Variants in PRKCH observed in about 807,000 individuals in gnomAD.
PRKCH encodes protein kinase C eta, also known as protein kinase C eta type.
Under a neutral mutation model 82.5 loss-of-function variants are expected in PRKCH, and 28 were observed. The observed-to-expected ratio is 0.34, with a 90% CI of 0.25 to 0.47. The LOEUF is 0.47. Among genes scored for constraint, PRKCH ranks in the 20% least tolerant of loss-of-function variants. PRKCH has a pLI of 1.00. For missense variants in PRKCH, 705 were observed against 881.8 expected (o/e 0.80, Z 2.54); for synonymous variants, 322 against 327.4 (o/e 0.98, Z 0.18).
chr14:61,268,632 C>G (rs1370081359), intron 1 of PRKCH, among the ~76,000 whole-genome samples: 5 of 152,142 alleles, frequency 3.3e-5, no homozygotes, highest in African/African-American at 1.2e-4. Context: ...CGTACCATTG[C>G]ACTCCAACCT....
chr14:61,322,636 G>A (rs2045643420), intron 1 of PRKCH, 172 bp downstream of exon 1: 1 of 868,050 alleles, frequency 1.2e-6, no homozygotes, highest in South Asian at 1.8e-5. Flanking sequence ...CGCGGTGGGT[G>A]TGTGCAGGCG....
At chr14:61,274,696 G>T (rs894055273) in intron 1 of PRKCH, among the ~76,000 whole-genome samples, 1 of 152,140 alleles carries the variant, frequency 6.6e-6, no homozygotes, top group African/African-American at 2.4e-5. Context: ...TGCTATTCTT[G>T]GAAGGATGGG....
chr14:61,372,969 G>T (rs185960441), intron 1 of PRKCH, among the ~76,000 whole-genome samples: 73 of 151,972 alleles, frequency 4.8e-4, no homozygotes, highest in Non-Finnish European at 6.6e-4. Flanking sequence ...AGAGAGTCCT[G>T]CCAGTTGCAT....
intron 9 of PRKCH, among the ~76,000 whole-genome samples, chr14:61,465,511 T>A (rs1885215993): frequency 6.6e-6 from 1 of 152,230 alleles, no homozygotes; most frequent in Non-Finnish European, 1.5e-5. Flanking sequence ...CCTTGGGATC[T>A]TTGTTGATAA....
At chr14:61,393,812 T>C (rs4390494) in intron 2 of PRKCH, among the ~76,000 whole-genome samples, 143,635 of 152,318 alleles carry the variant, frequency 0.94, 68,303 homozygotes, top group East Asian at 1. Context: ...ATTTACCCAA[T>C]CCTGCACAAC....
intron 2 of PRKCH, among the ~76,000 whole-genome samples, chr14:61,422,145 G>A (rs779658879): frequency 2.6e-5 from 4 of 152,072 alleles, no homozygotes; most frequent in Non-Finnish European, 5.9e-5. Flanking sequence ...GTACAGTGGC[G>A]CAACAATGGA....
intron 12 of PRKCH, among the ~76,000 whole-genome samples, chr14:61,545,578 G>GT (rs1271396762): frequency 6.6e-5 from 10 of 151,948 alleles, no homozygotes; most frequent in Admixed American, 1.3e-4. Flanking sequence ...CTTTTGGTTT[G>GT]TTTTTTTTGT....
At chr14:61,252,250 C>T (rs974708241) in intron 1 of PRKCH, among the ~76,000 whole-genome samples, 49 of 152,164 alleles carry the variant, frequency 3.2e-4, no homozygotes, top group Non-Finnish European at 6.6e-4. Flanking sequence ...AGAACTTGGC[C>T]GTGGGGCAGC....
chr14:61,514,593 A>T (rs890120210), intron 10 of PRKCH, among the ~76,000 whole-genome samples: 1 of 152,038 alleles, frequency 6.6e-6, no homozygotes, highest in Non-Finnish European at 1.5e-5. Context: ...CACAAACCAG[A>T]ATCCACCCAG....
At chr14:61,193,894 C>T (rs1009528873) in intron 1 of PRKCH, among the ~76,000 whole-genome samples, 2 of 152,216 alleles carry the variant, frequency 1.3e-5, no homozygotes, top group African/African-American at 4.8e-5. Context: ...TGCACACCTG[C>T]TCTAGGATAA....
intron 10 of PRKCH, among the ~76,000 whole-genome samples, chr14:61,491,140 T>C (rs763777386): frequency 1.3e-5 from 2 of 152,208 alleles, no homozygotes; most frequent in Non-Finnish European, 2.9e-5. Flanking sequence ...GCCTGGAGTT[T>C]TGGGCTCTTA....
At chr14:61,211,282 A>C (rs1196759221) in intron 1 of PRKCH, among the ~76,000 whole-genome samples, 1 of 152,342 alleles carries the variant, frequency 6.6e-6, no homozygotes, top group East Asian at 1.9e-4. Context: ...CAGCGTGCAC[A>C]GTGCCGCAGT....
rs773215943 is a variant in PRKCH, at chr14:61,280,250, T to G, written c.-19+92582T>G. ...GAGATGCTGCTGAAGATGAGGAGCT[T>G]GTGGCCGCCGAACGCGCGCACCGGG... On this transcript the variant is annotated intron_variant, in intron 1 of 3. Transcript: ENST00000555185. This position sits in a 1 kb window ranked among gnomAD's most constrained non-coding sequence, Gnocchi z 5.0. 6.2e-7 allele frequency: 1 copy of G among 1,614,082 alleles called. No homozygotes were observed. The highest frequency in any genetic ancestry group is 2.2e-5 in the East Asian group (1 of 44,848).
At chr14:61,446,616 A>T (rs1884237741) in intron 4 of PRKCH, among the ~76,000 whole-genome samples, 1 of 152,258 alleles carries the variant, frequency 6.6e-6, no homozygotes, top group South Asian at 2.1e-4. Context: ...CTATGTATGA[A>T]CAATTCCATT....
At position 61,530,910 on chromosome 14, in the gene PRKCH, G is replaced by A. The variant is rs146059724; in HGVS notation, c.1761+315G>A. 9.3e-3 allele frequency among the ~76,000 whole-genome samples: 1,412 copies of A among 152,268 alleles called. 14 individuals are homozygous for A. Among genetic ancestry groups the A allele is most frequent in the African/African-American group, 0.031 (1,298 of 41,538 alleles). ...GCAGGTGATGTTTCCCCTTCATACA[G>A]TCAGGCCACACCAGAGTTTTGGGTC... On this transcript the variant is annotated intron_variant, in intron 12 of 13. Coordinates refer to ENST00000332981, the MANE Select transcript of PRKCH (RefSeq NM_006255.5).
In PRKCH at chr14:61,343,351, CAAAA is replaced by C. The variant is rs57154047; in HGVS notation, c.363+20908_363+20911del. On this transcript the variant is annotated intron_variant, in intron 1 of 13. Coordinates refer to ENST00000332981, the MANE Select transcript of PRKCH (RefSeq NM_006255.5). ...TTAGAGAAATAATGACCAGTTCCCTCAAAAAAAAAAAAAAAAAAAAAAAAGGAAA... is the reference window on the plus strand; with the variant it reads ...TTAGAGAAATAATGACCAGTTCCCTCAAAAAAAAAAAAAAAAAAAAGGAAA... Among the ~76,000 whole-genome samples the C allele has an allele frequency of 2.2e-3, 189 of 87,326 alleles. 3 individuals carry two copies. The highest frequency in any genetic ancestry group is 6.9e-3 in the African/African-American group (155 of 22,528). 57.3% of individuals were successfully genotyped at this position (87,326 alleles called of 152,430 possible).
chr14:61,456,850 T>G (rs1884787592), intron 7 of PRKCH: 1 of 217,502 alleles, frequency 4.6e-6, no homozygotes, highest in African/African-American at 2.3e-5. Context: ...GAATGGGACC[T>G]TCCCGTGGAA....
At chr14:61,379,534 T>A (rs1214185276) in intron 1 of PRKCH, among the ~76,000 whole-genome samples, 1 of 152,242 alleles carries the variant, frequency 6.6e-6, no homozygotes, top group Non-Finnish European at 1.5e-5. Flanking sequence ...TTTGCCTTCT[T>A]CCTCCATTAC....
At chr14:61,470,494 C>T (rs568672117) in intron 9 of PRKCH, among the ~76,000 whole-genome samples, 11 of 152,280 alleles carry the variant, frequency 7.2e-5, no homozygotes, top group South Asian at 4.1e-4. Context: ...TTCCTTCCTT[C>T]CCCGTAAGCT....
Sources: allele counts gnomAD v4.1 joint callset (sites outside exome capture counted in the v4.1 genomes callset), GRCh38; gene constraint gnomAD v4.1.1; non-coding constraint Gnocchi (gnomAD v3.1); transcripts MANE v1.5; gene names NCBI Gene and HGNC (gene_info 2026-07-23, HGNC 2026-07-21).